Variants in WDPCP observed in about 807,000 individuals in gnomAD.
WDPCP encodes the protein WD repeat-containing and planar cell polarity effector protein fritz homolog.
A neutral mutation model predicts 93.1 loss-of-function variants in WDPCP; 71 were observed. The ratio of observed to expected loss-of-function variants is 0.76; its 90% confidence interval spans 0.63 to 0.93. WDPCP has a LOEUF of 0.93. Among genes scored for constraint, WDPCP ranks in the 40% least tolerant of loss-of-function variants. WDPCP has a pLI of 0.00. For missense variants in WDPCP, 844 were observed against 887.4 expected (o/e 0.95, Z 0.62); for synonymous variants, 315 against 315.0 (o/e 1.00, Z 0.00).
chr2:63,338,560 AAAAAAAAAAAT>A (rs1350232226), intron 12 of WDPCP, among the ~76,000 whole-genome samples: 8 of 60,822 alleles, frequency 1.3e-4, no homozygotes, highest in African/African-American at 6.2e-4. Flanking sequence ...CTAAAAAAAA[AAAAAAAAAAAT>A]ATATATATAT....
chr2:63,492,750 G>C (rs1261307555), intron 2 of WDPCP, 106 bp downstream of exon 2: 4 of 990,754 alleles, frequency 4.0e-6, no homozygotes, highest in African/African-American at 1.6e-5. Flanking sequence ...AATAAAGAAA[G>C]AATGCAACTC....
intron 1 of WDPCP, among the ~76,000 whole-genome samples, chr2:63,815,273 G>T (rs955379868): frequency 6.6e-6 from 1 of 151,956 alleles, no homozygotes; most frequent in Non-Finnish European, 1.5e-5. Context: ...CTAGAATTTT[G>T]AACAAAGGGA....
At chr2:63,754,519 A>G (rs186059941) in intron 2 of WDPCP, among the ~76,000 whole-genome samples, 20 of 152,376 alleles carry the variant, frequency 1.3e-4, no homozygotes, top group Non-Finnish European at 2.5e-4. Flanking sequence ...GATGAATAAG[A>G]CTTGATGTAA....
At chr2:63,133,182 A>C (rs1670398123) in intron 17 of WDPCP, among the ~76,000 whole-genome samples, 1 of 152,034 alleles carries the variant, frequency 6.6e-6, no homozygotes, top group African/African-American at 2.4e-5. Flanking sequence ...AATTGTCTTA[A>C]ATTTCCCAAG....
intron 2 of WDPCP, among the ~76,000 whole-genome samples, chr2:63,652,886 T>A (rs1710123924): frequency 6.6e-6 from 1 of 152,034 alleles, no homozygotes; most frequent in Admixed American, 6.6e-5. Flanking sequence ...ACTGTGGCCC[T>A]TAAGGGGTAA....
intron 17 of WDPCP, among the ~76,000 whole-genome samples, chr2:63,127,694 T>TAC (rs1553536898): frequency 9.9e-5 from 13 of 130,918 alleles, no homozygotes; most frequent in African/African-American, 2.3e-4. Flanking sequence ...TATATATATA[T>TAC]ACGCACACAC....
chr2:63,255,486 G>T (rs1400037675), intron 14 of WDPCP, among the ~76,000 whole-genome samples: 1 of 152,132 alleles, frequency 6.6e-6, no homozygotes, highest in Non-Finnish European at 1.5e-5. Context: ...CCCATGGTAA[G>T]AACTGAGTTC....
chr2:63,550,406 T>C (rs1705516075), intron 1 of WDPCP, among the ~76,000 whole-genome samples: 1 of 152,228 alleles, frequency 6.6e-6, no homozygotes, highest in Non-Finnish European at 1.5e-5. Context: ...CTAAAGCTAA[T>C]GGACCTTTCT....
At chr2:63,149,662 C>A (rs1671760051) in intron 17 of WDPCP, among the ~76,000 whole-genome samples, 1 of 152,182 alleles carries the variant, frequency 6.6e-6, no homozygotes, top group Non-Finnish European at 1.5e-5. Flanking sequence ...TGAAAATGAA[C>A]ATACCTACAT....
intron 3 of WDPCP, among the ~76,000 whole-genome samples, chr2:63,615,175 T>C (rs1200601683): frequency 6.6e-6 from 1 of 152,154 alleles, no homozygotes; most frequent in Non-Finnish European, 1.5e-5. Context: ...CAAACACAGA[T>C]AAGGAAGCAG....
At chr2:63,193,539 G>A (rs1368338133) in intron 14 of WDPCP, among the ~76,000 whole-genome samples, 1 of 152,148 alleles carries the variant, frequency 6.6e-6, no homozygotes, top group African/African-American at 2.4e-5. Flanking sequence ...AGGCTGGAGT[G>A]CAGTGGCATG....
intron 1 of WDPCP, among the ~76,000 whole-genome samples, chr2:63,497,111 C>CAAA (rs10667775): frequency 0.26 from 18,923 of 71,860 alleles, 3,698 homozygotes; most frequent in East Asian, 0.65. Flanking sequence ...GACTCCATCT[C>CAAA]AAAAAAAAAA....
At chr2:63,764,666 C>A (rs1670112484) in intron 2 of WDPCP, among the ~76,000 whole-genome samples, 1 of 152,146 alleles carries the variant, frequency 6.6e-6, no homozygotes, top group African/African-American at 2.4e-5. Flanking sequence ...CTCTTTACAA[C>A]CTTGACTTTC....
chr2:63,541,010 T>G (rs1377503076), intron 1 of WDPCP, among the ~76,000 whole-genome samples: 2 of 152,094 alleles, frequency 1.3e-5, no homozygotes, highest in African/African-American at 4.8e-5. Context: ...ACTCTCCCTC[T>G]GGGGCCCAGG....
chr2:63,304,621 C>T (rs775277815), intron 13 of WDPCP, among the ~76,000 whole-genome samples: 8 of 152,180 alleles, frequency 5.3e-5, no homozygotes, highest in Non-Finnish European at 8.8e-5. Context: ...GAGATTCCCT[C>T]GGGTGCCTAC....
intron 2 of WDPCP, among the ~76,000 whole-genome samples, chr2:63,796,062 A>G (rs1432142965): frequency 2.6e-5 from 4 of 152,214 alleles, no homozygotes; most frequent in Admixed American, 2.6e-4. Context: ...AGGCTGCTAG[A>G]AGATTTCTGG....
chr2:63,817,106 T>C (rs1670942984), intron 1 of WDPCP, among the ~76,000 whole-genome samples: 1 of 146,742 alleles, frequency 6.8e-6, no homozygotes, highest in Non-Finnish European at 1.5e-5. Context: ...ACTCAAGAGC[T>C]GCTACATTTT....
chr2:63,649,234 T>C (rs1710083359), intron 3 of WDPCP, among the ~76,000 whole-genome samples: 1 of 152,202 alleles, frequency 6.6e-6, no homozygotes, highest in African/African-American at 2.4e-5. Context: ...CCTAAACTAC[T>C]TTCTGTGTCT....
chr2:63,307,187 T>C (rs1403495613), intron 13 of WDPCP, among the ~76,000 whole-genome samples: 1 of 152,106 alleles, frequency 6.6e-6, no homozygotes, highest in Non-Finnish European at 1.5e-5. Flanking sequence ...ACAAGGAATG[T>C]GAAGGACCTC....
Sources: gnomAD v4.1 joint callset for allele counts (sites outside exome capture counted in the v4.1 genomes callset) on GRCh38, gnomAD v4.1.1 for gene constraint, MANE v1.5 for transcripts, NCBI Gene and HGNC (gene_info 2026-07-23, HGNC 2026-07-21) for gene names.